Variants in SEMA6D observed in about 807,000 individuals in gnomAD.
SEMA6D encodes semaphorin-6D.
In SEMA6D, 35 loss-of-function variants were observed where a neutral mutation model predicts 106.6. The observed-to-expected ratio is 0.33, with a 90% CI of 0.25 to 0.44. The LOEUF (loss-of-function observed/expected upper bound fraction) is 0.44. Ranked by LOEUF, SEMA6D falls within the 20% of genes least tolerant of loss-of-function variation. The pLI, the probability that SEMA6D is intolerant of heterozygous loss-of-function variation, is 1.00. For missense variants in SEMA6D, 1,185 were observed against 1,345.9 expected, an observed-to-expected ratio of 0.88 and a Z score of 1.87; for synonymous variants, 499 against 487.7, an observed-to-expected ratio of 1.02 and a Z score of -0.31.
intron 3 of SEMA6D, among the ~76,000 whole-genome samples, chr15:47,531,455 T>C (rs2044962640): frequency 6.6e-6 from 1 of 152,346 alleles, no homozygotes; most frequent in East Asian, 1.9e-4. Flanking sequence ...TTATCAGATA[T>C]TAGAAAGTAG....
intron 1 of SEMA6D, among the ~76,000 whole-genome samples, chr15:47,233,090 G>A (rs2032313879): frequency 6.6e-6 from 1 of 151,912 alleles, no homozygotes; most frequent in Non-Finnish European, 1.5e-5. Flanking sequence ...TTGCATTTAG[G>A]TAATTAATCA....
chr15:47,568,806 T>A (rs370522308), intron 3 of SEMA6D, among the ~76,000 whole-genome samples: 4 of 152,172 alleles, frequency 2.6e-5, no homozygotes, highest in East Asian at 3.8e-4. Context: ...CTATTTTAGG[T>A]TACTGCAGAT....
chr15:47,642,405 TTTCCACTC>T (rs772284954), intron 4 of SEMA6D, among the ~76,000 whole-genome samples: 84 of 152,152 alleles, frequency 5.5e-4, no homozygotes, highest in Admixed American at 1.8e-3. Flanking sequence ...CCCAGTGCTT[TTTCCACTC>T]TTCTGTACCA....
Position 47,771,370 on chromosome 15 carries a change from T to G in SEMA6D, c.2807T>G (p.Leu936Arg). 1 of 1,613,668 alleles carries G rather than the reference T, an allele frequency of 6.2e-7. No individual in the cohort carries two copies. Among genetic ancestry groups the G allele is most frequent in the Non-Finnish European group, 8.5e-7 (1 of 1,179,884 alleles). The change falls in exon 19 of 19, where the codon CTC becomes CGC. Residue 936 changes from leucine (L) to arginine (R), a missense_variant. Physicochemically the swap from Leu to Arg is moderately radical, Grantham distance 102. This residue lies in a region of SEMA6D where 750 missense variants were observed against 783.5 expected (regional missense o/e 0.96). Coordinates refer to ENST00000536845, the MANE Select transcript of SEMA6D (RefSeq NM_001358351.3). ...TCGCTATACTCCCCTCCTTCAACTC[T>G]CCCCAGAAATAGCCCAACCAAGCGA... ...EASLYSPPST[L>R]PRNSPTKRVD...
intron 3 of SEMA6D, among the ~76,000 whole-genome samples, chr15:47,484,540 T>C (rs1319132894): frequency 1.3e-5 from 2 of 152,172 alleles, no homozygotes; most frequent in Admixed American, 6.5e-5. Context: ...TAGAATCCTA[T>C]TGTTTATTTT....
intron 1 of SEMA6D, among the ~76,000 whole-genome samples, chr15:47,336,019 G>T (rs1188760320): frequency 3.3e-5 from 5 of 152,196 alleles, no homozygotes; most frequent in African/African-American, 7.2e-5. Context: ...ATCTGACATT[G>T]CCTGAGGCAT....
At chr15:47,429,207 A>T (rs1220253806) in intron 2 of SEMA6D, among the ~76,000 whole-genome samples, 2 of 152,118 alleles carry the variant, frequency 1.3e-5, no homozygotes, top group Non-Finnish European at 2.9e-5. Flanking sequence ...CAGAGTTATC[A>T]TTAGAAGTTA....
chr15:47,556,844 A>C (rs898896610), intron 3 of SEMA6D, among the ~76,000 whole-genome samples: 1 of 152,128 alleles, frequency 6.6e-6, no homozygotes, highest in African/African-American at 2.4e-5. Flanking sequence ...TGTGTGCCTA[A>C]GTCAAAATCA....
chr15:47,564,835 C>T (rs2046184082), intron 3 of SEMA6D, among the ~76,000 whole-genome samples: 1 of 152,122 alleles, frequency 6.6e-6, no homozygotes, highest in African/African-American at 2.4e-5. Flanking sequence ...ACTCAGCCAG[C>T]AGAGAGGAAG....
At chr15:47,512,985 A>G (rs886485013) in intron 3 of SEMA6D, among the ~76,000 whole-genome samples, 2 of 152,208 alleles carry the variant, frequency 1.3e-5, no homozygotes, top group Non-Finnish European at 2.9e-5. Flanking sequence ...TACCTTTTGC[A>G]CTGTCACTTC....
At chr15:47,507,007 T>A (rs899275667) in intron 3 of SEMA6D, among the ~76,000 whole-genome samples, 1 of 152,178 alleles carries the variant, frequency 6.6e-6, no homozygotes, top group Admixed American at 6.5e-5. Flanking sequence ...AAGCGCTGCC[T>A]GAGCTATTTG....
chr15:47,594,666 A>T lies in SEMA6D; in HGVS notation c.-86-6199A>T, dbSNP rs527909823. On this transcript the variant is annotated intron_variant, in intron 3 of 19. Coordinates refer to the SEMA6D transcript ENST00000558014. The stretch of plus-strand genomic sequence containing the variant: ...CAGTACCTGCTTCCAATAAGCTCCC[A>T]GTCTAATGAGGGAGGTGGACCTTTA... Among the ~76,000 whole-genome samples the T allele has an allele frequency of 2.2e-3, 342 of 152,320 alleles. 6 individuals carry two copies. The South Asian group carries it at 0.035, about 15-fold the overall frequency.
intron 1 of SEMA6D, among the ~76,000 whole-genome samples, chr15:47,226,038 A>G (rs2031642524): frequency 6.6e-6 from 1 of 152,140 alleles, no homozygotes; most frequent in Non-Finnish European, 1.5e-5. Flanking sequence ...GAGACTTTAC[A>G]GATGACCAAG....
At chr15:47,699,227 C>T (rs552101674) in intron 4 of SEMA6D, among the ~76,000 whole-genome samples, 1 of 152,256 alleles carries the variant, frequency 6.6e-6, no homozygotes, top group East Asian at 1.9e-4. Flanking sequence ...TCAAATTAAC[C>T]TTCACACAAT....
At chr15:47,464,550 C>G (rs1233110063) in intron 2 of SEMA6D, among the ~76,000 whole-genome samples, 1 of 152,098 alleles carries the variant, frequency 6.6e-6, no homozygotes, top group Non-Finnish European at 1.5e-5. Flanking sequence ...CTGGCTTTTG[C>G]TCTTATAAGA....
chr15:47,447,737 A>G (rs2042070899), intron 2 of SEMA6D, among the ~76,000 whole-genome samples: 2 of 152,140 alleles, frequency 1.3e-5, no homozygotes, highest in Admixed American at 6.5e-5. Context: ...GGGAACCCCA[A>G]TTTATTGCTG....
chr15:47,504,963 G>A (rs539191960), intron 3 of SEMA6D, among the ~76,000 whole-genome samples: 65 of 152,242 alleles, frequency 4.3e-4, no homozygotes, highest in Non-Finnish European at 7.4e-4. Flanking sequence ...TCCCTATCAG[G>A]AAAATTTGCC....
At chr15:47,705,709 A>G (rs1045580355) in intron 4 of SEMA6D, among the ~76,000 whole-genome samples, 5 of 152,176 alleles carry the variant, frequency 3.3e-5, no homozygotes, top group African/African-American at 1.2e-4. Context: ...ACCTAAGACC[A>G]GTTCCCCAGG....
intron 4 of SEMA6D, among the ~76,000 whole-genome samples, chr15:47,656,623 G>A (rs563500241): frequency 1.3e-5 from 2 of 152,326 alleles, no homozygotes; most frequent in African/African-American, 2.4e-5. Flanking sequence ...TGAGCCTCTG[G>A]AATGGCTAGG....
Sources: allele counts gnomAD v4.1 joint callset (sites outside exome capture counted in the v4.1 genomes callset), GRCh38; gene constraint gnomAD v4.1.1; regional missense constraint gnomAD v4.1.1; transcripts MANE v1.5; gene names NCBI Gene and HGNC (gene_info 2026-07-23, HGNC 2026-07-21).